ATRNL1: variants seen among roughly 807,000 people sequenced by gnomAD.
ATRNL1 encodes attractin-like protein 1.
Under a neutral mutation model 182.7 loss-of-function variants are expected in ATRNL1, and 95 were observed. That is an observed-to-expected ratio of 0.52 (90% CI 0.44 to 0.62). The LOEUF (loss-of-function observed/expected upper bound fraction) is 0.62, where lower values mean the gene tolerates loss of function less well. Among genes scored for constraint, ATRNL1 ranks in the 20% least tolerant of loss-of-function variants. The probability of loss-of-function intolerance (pLI) is 0.00; values close to 1 mark genes in which losing one functional copy is unlikely to be tolerated. For missense variants in ATRNL1, 1,471 were observed against 1,679.5 expected (o/e 0.88, Z 2.17); for synonymous variants, 576 against 568.3 (o/e 1.01, Z -0.19).
At chr10:115,837,162 TCA>T (rs1950693891) in intron 27 of ATRNL1, among the ~76,000 whole-genome samples, 1 of 152,112 alleles carries the variant, frequency 6.6e-6, no homozygotes, top group African/African-American at 2.4e-5. Flanking sequence ...GTAGTTGAGT[TCA>T]CACAGTAAAA....
intron 21 of ATRNL1, among the ~76,000 whole-genome samples, chr10:115,442,556 A>T (rs576744565): frequency 6.6e-6 from 1 of 151,896 alleles, no homozygotes. Flanking sequence ...TTCCTACTAA[A>T]CTCTGCCACT....
Position 115,093,800 on chromosome 10 carries a change from C to T in ATRNL1, c.50C>T (p.Pro17Leu). The change falls in exon 1 of 29, where the codon CCG (proline) becomes CTG (leucine). Residue 17 changes from proline (P) to leucine (L), a missense_variant. By Grantham distance (98) the Pro-to-Leu change is moderately conservative. This residue lies in a region of ATRNL1 where 1,031 missense variants were observed against 1,156.0 expected (regional missense o/e 0.89). Transcript: ENST00000355044. This position sits in a 1 kb window ranked among gnomAD's most constrained non-coding sequence, Gnocchi z 6.1. ...ARTGTPQPAA[P>L]GVWRARPAGG... is the part of the protein sequence containing the mutation. ...ACTGGTACCCCGCAGCCAGCGGCCC[C>T]GGGGGTGTGGAGGGCTCGGCCGGCG... 2 of 1,468,994 alleles carry T rather than the reference C, an allele frequency of 1.4e-6. No individual in the cohort carries two copies. Among genetic ancestry groups the T allele is most frequent in the African/African-American group, 1.5e-5 (1 of 68,124 alleles). The allele number at this position is 1,468,994 out of a possible 1,614,324, so 91.0% of individuals were successfully genotyped here.
intron 14 of ATRNL1, among the ~76,000 whole-genome samples, chr10:115,282,415 C>T (rs972004431): frequency 1.3e-5 from 2 of 151,264 alleles, no homozygotes; most frequent in Non-Finnish European, 2.9e-5. Flanking sequence ...CCCCTCTCCC[C>T]ACCCCACAAC....
chr10:115,786,739 T>C (rs983992342), intron 27 of ATRNL1, among the ~76,000 whole-genome samples: 3 of 152,214 alleles, frequency 2.0e-5, no homozygotes, highest in South Asian at 4.1e-4. Context: ...AGACCTCTAA[T>C]TCTTCCTCAT....
rs142292706 is a variant in ATRNL1 at position 115,641,452 on chromosome 10, G to A, written c.3796-85796G>A. On this transcript the variant is annotated intron_variant, in intron 26 of 28. Coordinates refer to ENST00000355044, the MANE Select transcript of ATRNL1 (RefSeq NM_207303.4). ...TGCCCTAGTTAAACTGTCCAGTTAAGTTCCTGAAATATTGTTACAGTGCCA... is the reference window on the plus strand; with the variant it reads ...TGCCCTAGTTAAACTGTCCAGTTAAATTCCTGAAATATTGTTACAGTGCCA... Among the ~76,000 whole-genome samples, 23 of 152,248 alleles carry A rather than the reference G, an allele frequency of 1.5e-4. No homozygotes were observed. In the East Asian group the frequency reaches 2.5e-3, roughly 17 times the overall value.
At chr10:115,253,815 T>G (rs1554906013) in intron 10 of ATRNL1, among the ~76,000 whole-genome samples, 3 of 152,022 alleles carry the variant, frequency 2.0e-5, no homozygotes, top group African/African-American at 7.2e-5. Context: ...CAGGCCCCAT[T>G]GTGTGATGTT....
intron 26 of ATRNL1, among the ~76,000 whole-genome samples, chr10:115,558,963 CTCT>C (rs1853496910): frequency 6.6e-6 from 1 of 152,108 alleles, no homozygotes; most frequent in Admixed American, 6.5e-5. Flanking sequence ...GCCTGAGGCT[CTCT>C]TCTTCTAATG....
chr10:115,754,570 T>C (rs1424063920), intron 27 of ATRNL1, among the ~76,000 whole-genome samples: 1 of 147,660 alleles, frequency 6.8e-6, no homozygotes, highest in African/African-American at 2.4e-5. Flanking sequence ...TGTTTTGCTT[T>C]GCCTTTTAGT....
chr10:115,138,681 G>A (rs1340907764), intron 5 of ATRNL1, among the ~76,000 whole-genome samples: 1 of 152,198 alleles, frequency 6.6e-6, no homozygotes, highest in East Asian at 1.9e-4. Context: ...GAGCCATGAA[G>A]TCATCTTTTC....
intron 28 of ATRNL1, among the ~76,000 whole-genome samples, chr10:115,907,974 A>T (rs939502197): frequency 5.9e-5 from 9 of 152,194 alleles, no homozygotes; most frequent in African/African-American, 2.2e-4. Context: ...TAAGTAATCC[A>T]CTTTTTAAAA....
chr10:115,832,024 G>A (rs1380446733), intron 27 of ATRNL1, among the ~76,000 whole-genome samples: 6 of 152,014 alleles, frequency 3.9e-5, no homozygotes, highest in African/African-American at 7.2e-5. Flanking sequence ...GCTATTTACA[G>A]GATTAATATG....
intron 10 of ATRNL1, among the ~76,000 whole-genome samples, chr10:115,264,661 G>A (rs1447397034): frequency 6.6e-6 from 1 of 151,116 alleles, no homozygotes; most frequent in African/African-American, 2.4e-5. Context: ...TAGAAGTTTT[G>A]CAGTTAAAAT....
rs188513736 is a variant in ATRNL1 at position 115,580,176 on chromosome 10, A to T, written c.3795+30640A>T. 1.7e-4 allele frequency among the ~76,000 whole-genome samples: 26 copies of T among 152,040 alleles called. 1 individual carries two copies. The highest frequency in any genetic ancestry group is 1.7e-3 in the Admixed American group (26 of 15,260). The stretch of plus-strand genomic sequence containing the variant: ...GTAATACAATATTCTTTCTGTTCCT[A>T]TATGTTTACCTTTGCTAATGAGTTT... On this transcript the variant is annotated intron_variant, in intron 26 of 28. Transcript: ENST00000355044.
At chr10:115,364,146 C>T (rs1394591531) in intron 19 of ATRNL1, among the ~76,000 whole-genome samples, 13 of 144,364 alleles carry the variant, frequency 9.0e-5, no homozygotes, top group Non-Finnish European at 1.2e-4. Context: ...TCTTCCTACC[C>T]GTGAGCATGG....
intron 18 of ATRNL1, among the ~76,000 whole-genome samples, chr10:115,333,690 T>C (rs1855345390): frequency 6.6e-6 from 1 of 152,022 alleles, no homozygotes; most frequent in African/African-American, 2.4e-5. Context: ...TTTCACCAAG[T>C]TGGCCAGGCT....
At position 115,093,711 on chromosome 10, in the gene ATRNL1, C is replaced by T. The variant is rs1554862231; in HGVS notation, c.-40C>T. 1.4e-6 allele frequency: 2 copies of T among 1,418,554 alleles called. No homozygotes were observed. Among genetic ancestry groups the T allele is most frequent in the South Asian group, 3.0e-5 (2 of 67,504 alleles). 87.9% of individuals were successfully genotyped at this position (1,418,554 alleles called of 1,614,324 possible). ...CCCTTCAACAGCATCCCTGTCGGCG[C>T]CCGCGAGCGCAGTCTCGCCGGGCAG... On this transcript the variant is annotated 5_prime_UTR_variant, in exon 1 of 29. Coordinates refer to ENST00000355044, the MANE Select transcript of ATRNL1 (RefSeq NM_207303.4). The surrounding 1 kb of genome is among the most constrained non-coding windows in gnomAD (Gnocchi z 6.1).
At chr10:115,202,152 A>C (rs1490422529) in intron 8 of ATRNL1, among the ~76,000 whole-genome samples, 16 of 152,238 alleles carry the variant, frequency 1.1e-4, no homozygotes, top group African/African-American at 2.2e-4. Flanking sequence ...GGGGTTTTCT[A>C]GATATACAAT....
chr10:115,784,672 T>C (rs73379788), intron 27 of ATRNL1, among the ~76,000 whole-genome samples: 7,543 of 152,266 alleles, frequency 0.05, 636 homozygotes, highest in African/African-American at 0.17. Flanking sequence ...TGTTGGTGGT[T>C]GCTGGGCATC....
At position 115,495,211 on chromosome 10, in the gene ATRNL1, A is replaced by ATCT. The variant is rs1468280434; in HGVS notation, c.3655-24050_3655-24048dup. 7.3e-5 allele frequency among the ~76,000 whole-genome samples: 11 copies of ATCT among 150,980 alleles called. No individual in the cohort carries two copies. The East Asian group carries it at 1.2e-3, about 16-fold the overall frequency. ...GTCATTTATGATTGTATTTATTTGG[A>ATCT]TCTTTTTTCTTTAGTAGTATAGCTA... On this transcript the variant is annotated intron_variant, in intron 24 of 28. Transcript: ENST00000355044.
Sources: allele counts gnomAD v4.1 joint callset (sites outside exome capture counted in the v4.1 genomes callset), GRCh38; gene constraint gnomAD v4.1.1; regional missense constraint gnomAD v4.1.1; non-coding constraint Gnocchi (gnomAD v3.1); transcripts MANE v1.5; gene names NCBI Gene and HGNC (gene_info 2026-07-23, HGNC 2026-07-21).